PALM2AKAP2: variants seen among roughly 807,000 people sequenced by gnomAD.
The protein encoded by PALM2AKAP2 is PALM2 and AKAP2 fusion, also known as PALM2-AKAP2 fusion protein.
Under a neutral mutation model 71.5 loss-of-function variants are expected in PALM2AKAP2, and 37 were observed. The observed-to-expected ratio is 0.52, with a 90% CI of 0.40 to 0.68. PALM2AKAP2 has a LOEUF of 0.68. PALM2AKAP2 is among the 30% of genes least tolerant of loss of function. PALM2AKAP2 has a pLI of 0.00. For missense variants in PALM2AKAP2, 1,224 were observed against 1,191.8 expected, an observed-to-expected ratio of 1.03 and a Z score of -0.40; for synonymous variants, 468 against 478.8, an observed-to-expected ratio of 0.98 and a Z score of 0.29.
intron 1 of PALM2AKAP2, among the ~76,000 whole-genome samples, chr9:109,715,239 A>C (rs1310044384): frequency 1.3e-5 from 2 of 152,230 alleles, no homozygotes; most frequent in East Asian, 1.9e-4. Context: ...CCCGCTTTCC[A>C]GATGAGAATA....
intron 1 of PALM2AKAP2, among the ~76,000 whole-genome samples, chr9:109,739,395 A>G (rs759526815): frequency 4.6e-5 from 7 of 152,228 alleles, no homozygotes; most frequent in Non-Finnish European, 7.3e-5. Context: ...TAATATGCCT[A>G]TTTAAAAAAA....
intron 3 of PALM2AKAP2, among the ~76,000 whole-genome samples, chr9:110,166,359 A>G (rs1463995061): frequency 6.6e-6 from 1 of 152,196 alleles, no homozygotes; most frequent in Non-Finnish European, 1.5e-5. Context: ...AAAGCCTGTG[A>G]AGTGGGGTAG....
In PALM2AKAP2 at chr9:109,668,183, G is replaced by T. The variant is rs1827518757; in HGVS notation, c.5+27317G>T. On this transcript the variant is annotated intron_variant, in intron 1 of 6. Coordinates refer to the PALM2AKAP2 transcript ENST00000374531. Reference sequence around the variant, plus strand: ...GATCTCCTGACCTCGTGATCCGCCCGCCTCGGCCTCCCAAAGTGCTGGGAT... The same window carrying T: ...GATCTCCTGACCTCGTGATCCGCCCTCCTCGGCCTCCCAAAGTGCTGGGAT... Among the ~76,000 whole-genome samples, 2 of 20,770 alleles carry T rather than the reference G, an allele frequency of 9.6e-5. 1 individual carries two copies. The highest frequency in any genetic ancestry group is 1.5e-3 in the African/African-American group (2 of 1,348). The allele number at this position is 20,770 out of a possible 152,430, so 13.6% of individuals were successfully genotyped here.
At chr9:109,754,934 C>T (rs1828936208) in intron 1 of PALM2AKAP2, among the ~76,000 whole-genome samples, 1 of 152,106 alleles carries the variant, frequency 6.6e-6, no homozygotes, top group Non-Finnish European at 1.5e-5. Flanking sequence ...CAACCAGTTG[C>T]ACAGACTCCA....
chr9:110,023,925 T>C (rs1007667218), intron 7 of PALM2AKAP2, among the ~76,000 whole-genome samples: 1 of 152,152 alleles, frequency 6.6e-6, no homozygotes. Context: ...CCCAGGGAGA[T>C]TGAGGCTGCA....
At chr9:109,761,578 C>T (rs374425010) in intron 1 of PALM2AKAP2, among the ~76,000 whole-genome samples, 1 of 152,150 alleles carries the variant, frequency 6.6e-6, no homozygotes, top group Non-Finnish European at 1.5e-5. Context: ...CGTGTGTCCA[C>T]GTGTTCTCAT....
intron 1 of PALM2AKAP2, among the ~76,000 whole-genome samples, chr9:109,661,374 A>C (rs987089738): frequency 3.3e-5 from 5 of 152,108 alleles, no homozygotes; most frequent in African/African-American, 1.2e-4. Flanking sequence ...TTTCAGCTTT[A>C]TACATTTGAC....
chr9:109,918,482 G>GTGCACC (rs907330660), intron 3 of PALM2AKAP2, among the ~76,000 whole-genome samples: 2 of 152,196 alleles, frequency 1.3e-5, no homozygotes, highest in African/African-American at 4.8e-5. Flanking sequence ...AGGCTGTTAT[G>GTGCACC]TGCACCTGCC....
chr9:109,833,542 G>A (rs1411075807), intron 1 of PALM2AKAP2, among the ~76,000 whole-genome samples: 3 of 152,120 alleles, frequency 2.0e-5, no homozygotes, highest in South Asian at 2.1e-4. Flanking sequence ...CCCAGTCAGC[G>A]GTCCCAGCTT....
chr9:109,787,465 A>C (rs1407940350), intron 1 of PALM2AKAP2, among the ~76,000 whole-genome samples: 1 of 152,246 alleles, frequency 6.6e-6, no homozygotes, highest in Non-Finnish European at 1.5e-5. Context: ...TAAATGTTGT[A>C]ACTCCTGAGT....
intron 1 of PALM2AKAP2, among the ~76,000 whole-genome samples, chr9:109,717,023 G>A (rs1263408244): frequency 6.6e-6 from 1 of 152,176 alleles, no homozygotes; most frequent in Non-Finnish European, 1.5e-5. Flanking sequence ...GTATGGGCAA[G>A]CTATGCAATT....
At chr9:110,066,988 A>G (rs972123138) in intron 1 of PALM2AKAP2, among the ~76,000 whole-genome samples, 1 of 152,162 alleles carries the variant, frequency 6.6e-6, no homozygotes, top group Non-Finnish European at 1.5e-5. Context: ...GGAAAGAGAG[A>G]GCTCTTCATT....
chr9:110,038,814 G>A (rs1258014502), intron 7 of PALM2AKAP2, among the ~76,000 whole-genome samples: 1 of 150,750 alleles, frequency 6.6e-6, no homozygotes, highest in African/African-American at 2.4e-5. Flanking sequence ...GGTGGAGGGC[G>A]CTTGTAATCC....
intron 7 of PALM2AKAP2, among the ~76,000 whole-genome samples, chr9:110,026,728 T>G (rs1173532725): frequency 6.6e-6 from 1 of 152,194 alleles, no homozygotes; most frequent in Non-Finnish European, 1.5e-5. Context: ...AAAGGGATTT[T>G]TAATACATTA....
chr9:110,087,655 G>A (rs1834604874), intron 1 of PALM2AKAP2, among the ~76,000 whole-genome samples: 3 of 152,220 alleles, frequency 2.0e-5, no homozygotes, highest in Admixed American at 2.0e-4. Context: ...AAGCTGCATG[G>A]ATTTCTCTTT....
chr9:109,706,494 T>G lies in PALM2AKAP2; in HGVS notation c.5+65628T>G, dbSNP rs376619032. 1.7e-3 allele frequency among the ~76,000 whole-genome samples: 253 copies of G among 152,334 alleles called. 8 individuals are homozygous for G. In the South Asian group the frequency reaches 0.051, roughly 31 times the overall value. ...GGTGCAGCCACTTTGGAAAAAAGTT[T>G]GACTCTTTCACAAAATGCTAAACAT... On this transcript the variant is annotated intron_variant, in intron 1 of 6. Coordinates refer to the PALM2AKAP2 transcript ENST00000374531.
rs72079683 is a variant in PALM2AKAP2 at position 110,038,329 on chromosome 9, AAAACAAAC to A, written c.582+22314_582+22321del. Among the ~76,000 whole-genome samples the A allele has an allele frequency of 4.0e-3, 603 of 151,442 alleles. 6 individuals are homozygous for A. The highest frequency in any genetic ancestry group is 0.013 in the African/African-American group (554 of 41,288). On this transcript the variant is annotated intron_variant, in intron 7 of 9. Coordinates refer to the PALM2AKAP2 transcript ENST00000302798. ...TGGGTGACAGAGTGACCCTGTCTCA[AAAACAAAC>A]AAACAAACAAACAAACAAACAAAAA...
intron 7 of PALM2AKAP2, among the ~76,000 whole-genome samples, chr9:110,039,031 T>C (rs1166590388): frequency 6.6e-6 from 1 of 151,792 alleles, no homozygotes; most frequent in Non-Finnish European, 1.5e-5. Flanking sequence ...GGGGAATTGC[T>C]TGAGCCCAGG....
At chr9:110,092,737 C>T (rs936978356) in intron 1 of PALM2AKAP2, among the ~76,000 whole-genome samples, 15 of 152,082 alleles carry the variant, frequency 9.9e-5, no homozygotes, top group South Asian at 2.1e-4. Flanking sequence ...CGATGTTATC[C>T]GCCTCTCTTT....
Sources: gnomAD v4.1 joint callset for allele counts (sites outside exome capture counted in the v4.1 genomes callset) on GRCh38, gnomAD v4.1.1 for gene constraint, MANE v1.5 for transcripts, NCBI Gene and HGNC (gene_info 2026-07-23, HGNC 2026-07-21) for gene names.